ATP9B: variants seen among roughly 807,000 people sequenced by gnomAD.
ATP9B encodes probable phospholipid-transporting ATPase IIB.
A neutral mutation model predicts 146.1 loss-of-function variants in ATP9B; 110 were observed. The observed-to-expected ratio is 0.75, with a 90% CI of 0.65 to 0.88. The LOEUF is 0.88. Among genes scored for constraint, ATP9B ranks in the 40% least tolerant of loss-of-function variants. The pLI, the probability that ATP9B is intolerant of heterozygous loss-of-function variation, is 0.00. For missense variants in ATP9B, 1,499 were observed against 1,496.4 expected (o/e 1.00, Z -0.03); for synonymous variants, 604 against 569.7 (o/e 1.06, Z -0.86).
intron 13 of ATP9B, among the ~76,000 whole-genome samples, chr18:79,294,594 C>G (rs1277185549): frequency 6.6e-6 from 1 of 152,224 alleles, no homozygotes; most frequent in East Asian, 1.9e-4. Flanking sequence ...AAAAGAGGCT[C>G]AAGAGACCTT....
intron 15 of ATP9B, among the ~76,000 whole-genome samples, chr18:79,323,187 G>A (rs1056433874): frequency 2.0e-5 from 3 of 151,328 alleles, no homozygotes; most frequent in African/African-American, 2.4e-5. Flanking sequence ...TCGTTGCTTC[G>A]CGTTAGTAAT....
chr18:79,318,406 C>T (rs933994741), intron 15 of ATP9B, among the ~76,000 whole-genome samples: 1 of 152,342 alleles, frequency 6.6e-6, no homozygotes, highest in South Asian at 2.1e-4. Flanking sequence ...CCAGTCTACT[C>T]GTGAGAAAAT....
chr18:79,139,016 C>T (rs1197691513), intron 5 of ATP9B, among the ~76,000 whole-genome samples: 1 of 152,112 alleles, frequency 6.6e-6, no homozygotes. Context: ...CACAGTGAGC[C>T]ATGATTGTGC....
At chr18:79,088,190 T>G (rs1435425561) in intron 1 of ATP9B, among the ~76,000 whole-genome samples, 4 of 152,258 alleles carry the variant, frequency 2.6e-5, no homozygotes, top group Non-Finnish European at 5.9e-5. Flanking sequence ...TCCTTATCTT[T>G]CAGAACTCGT....
At chr18:79,072,454 G>A (rs1321415946) in intron 1 of ATP9B, among the ~76,000 whole-genome samples, 1 of 152,200 alleles carries the variant, frequency 6.6e-6, no homozygotes, top group Non-Finnish European at 1.5e-5. Context: ...GTTTCAGAGA[G>A]CACGGGGTTG....
At chr18:79,265,139 T>G (rs1392588175) in intron 12 of ATP9B, among the ~76,000 whole-genome samples, 2 of 152,254 alleles carry the variant, frequency 1.3e-5, no homozygotes, top group African/African-American at 4.8e-5. Flanking sequence ...GTTCTCACCA[T>G]TTAGCTCCCA....
rs752721391 is a variant in ATP9B at position 79,303,714 on chromosome 18, C to G, written c.1522C>G (p.Gln508Glu). ...GAGCCATGTCAGGGACTCCTACTCA[C>G]AGGTAAGTGGGTTCCTCCTGCACGG... is the stretch of plus-strand genomic sequence containing the variant. ...IQSHVRDSYS[Q>E]MQSQAGGNNT... Residue 508 changes from glutamine (Q) to glutamate (E), a missense_variant and splice_region_variant, in exon 14 of 30, where the codon CAG (glutamine) becomes GAG (glutamate). Physicochemically the swap from Gln to Glu is conservative, Grantham distance 29. Coordinates refer to ENST00000426216, the MANE Select transcript of ATP9B (RefSeq NM_198531.5). The G allele has an allele frequency of 7.4e-6, 12 of 1,612,910 alleles. No individual in the cohort carries two copies. The highest frequency in any genetic ancestry group is 1.1e-5 in the South Asian group (1 of 91,028).
At chr18:79,082,228 C>T (rs1331026944) in intron 1 of ATP9B, among the ~76,000 whole-genome samples, 1 of 152,088 alleles carries the variant, frequency 6.6e-6, no homozygotes, top group Non-Finnish European at 1.5e-5. Context: ...TCATGAAGTT[C>T]TTGTGCTGTG....
In ATP9B at chr18:79,121,011, A is replaced by G. The variant is rs138509137; in HGVS notation, c.559-5256A>G. Reference sequence around the variant, plus strand: ...TGATCTGTGTGGCCTTGGTAAGGTTACTTACTCACTTTGTGTCTCAATTCC... The same window carrying G: ...TGATCTGTGTGGCCTTGGTAAGGTTGCTTACTCACTTTGTGTCTCAATTCC... On this transcript the variant is annotated intron_variant, in intron 4 of 29. Transcript: ENST00000426216. Among the ~76,000 whole-genome samples the G allele has an allele frequency of 1.5e-3, 225 of 152,318 alleles. 3 individuals are homozygous for G. Among genetic ancestry groups the G allele is most frequent in the African/African-American group, 5.0e-3 (208 of 41,568 alleles).
At chr18:79,306,639 C>A (rs1170357931) in intron 14 of ATP9B, among the ~76,000 whole-genome samples, 3 of 152,136 alleles carry the variant, frequency 2.0e-5, no homozygotes, top group Non-Finnish European at 4.4e-5. Flanking sequence ...TCATTTTGTT[C>A]TTTAATTGAC....
intron 2 of ATP9B, among the ~76,000 whole-genome samples, chr18:79,110,058 A>T (rs1047145208): frequency 2.0e-5 from 3 of 152,204 alleles, no homozygotes; most frequent in Admixed American, 2.0e-4. Context: ...CCTTTTCTCG[A>T]CATATAGAGC....
chr18:79,325,437 A>T (rs963561497), intron 15 of ATP9B, among the ~76,000 whole-genome samples: 10 of 152,190 alleles, frequency 6.6e-5, no homozygotes, highest in Non-Finnish European at 1.3e-4. Flanking sequence ...TTCTTAAAAT[A>T]TGAGAAATTT....
At chr18:79,184,542 T>A (rs1446645798) in intron 8 of ATP9B, among the ~76,000 whole-genome samples, 1 of 152,154 alleles carries the variant, frequency 6.6e-6, no homozygotes, top group African/African-American at 2.4e-5. Flanking sequence ...TCTATTATCT[T>A]ATTACTTGAC....
chr18:79,188,277 A>G (rs1397371425), intron 8 of ATP9B, among the ~76,000 whole-genome samples: 3 of 152,248 alleles, frequency 2.0e-5, no homozygotes, highest in Non-Finnish European at 4.4e-5. Flanking sequence ...TTAGAAATAT[A>G]TATGGTTGCT....
intron 1 of ATP9B, among the ~76,000 whole-genome samples, chr18:79,076,314 T>G (rs2072608708): frequency 6.6e-6 from 1 of 152,256 alleles, no homozygotes; most frequent in South Asian, 2.1e-4. Flanking sequence ...TCAGTAATTC[T>G]CTAACTATTC....
rs560241326 is a variant in ATP9B, at chr18:79,376,133, G to A, written c.3307+707G>A. 1.7e-5 allele frequency: 17 copies of A among 975,720 alleles called. No individual in the cohort carries two copies. The East Asian group carries it at 1.8e-3, about 103-fold the overall frequency. 60.4% of individuals were successfully genotyped at this position (975,720 alleles called of 1,614,324 possible). On this transcript the variant is annotated intron_variant, in intron 29 of 29. Coordinates refer to ENST00000426216, the MANE Select transcript of ATP9B (RefSeq NM_198531.5). ...CAGATGGAACTGCCAGCTGCCCTCT[G>A]TTGCCCCCAGCCCCTCATAAAGTCA...
chr18:79,197,026 T>C (rs552055754), intron 9 of ATP9B, among the ~76,000 whole-genome samples: 1 of 152,346 alleles, frequency 6.6e-6, no homozygotes, highest in East Asian at 1.9e-4. Flanking sequence ...TGTTCCCCAG[T>C]AATTTTTATT....
intron 11 of ATP9B, among the ~76,000 whole-genome samples, chr18:79,232,365 A>G (rs182649729): frequency 1.0e-3 from 159 of 152,346 alleles, no homozygotes; most frequent in African/African-American, 3.3e-3. Context: ...TCTCTGTGAA[A>G]GAGCAGCAAG....
chr18:79,286,912 G>A (rs1258401541), intron 13 of ATP9B, among the ~76,000 whole-genome samples: 1 of 152,122 alleles, frequency 6.6e-6, no homozygotes, highest in Non-Finnish European at 1.5e-5. Flanking sequence ...TTATATGCTG[G>A]ATTACATTTA....
Sources: gnomAD v4.1 joint callset for allele counts (sites outside exome capture counted in the v4.1 genomes callset) on GRCh38, gnomAD v4.1.1 for gene constraint, MANE v1.5 for transcripts, NCBI Gene and HGNC (gene_info 2026-07-23, HGNC 2026-07-21) for gene names.